The following AOPEP variants were observed in gnomAD, a reference collection of about 807,000 sequenced individuals.
The protein encoded by AOPEP is aminopeptidase O (putative), also known as aminopeptidase O.
Under a neutral mutation model 98.1 loss-of-function variants are expected in AOPEP, and 77 were observed. That is an observed-to-expected ratio of 0.78 (90% CI 0.65 to 0.95). AOPEP has a LOEUF of 0.95. Among genes scored for constraint, AOPEP ranks in the 40% least tolerant of loss-of-function variants. The pLI is 0.00. For synonymous variants in AOPEP, 346 were observed against 365.3 expected, an observed-to-expected ratio of 0.95 and a Z score of 0.60; for missense variants, 1,024 against 1,024.7, an observed-to-expected ratio of 1.00 and a Z score of 0.01.
At chr9:95,035,136 C>G (rs2064682364) in intron 13 of AOPEP, among the ~76,000 whole-genome samples, 2 of 151,472 alleles carry the variant, frequency 1.3e-5, no homozygotes, top group East Asian at 1.9e-4. Context: ...CACCCCATGA[C>G]AGGCCCCCGT....
At chr9:94,899,113 T>C (rs115497079) in intron 5 of AOPEP, among the ~76,000 whole-genome samples, 2,619 of 151,252 alleles carry the variant, frequency 0.017, 82 homozygotes, top group African/African-American at 0.06. Flanking sequence ...ACTGGTTGCC[T>C]TGGAGGAGAA....
intron 5 of AOPEP, among the ~76,000 whole-genome samples, chr9:94,854,780 A>G (rs988559640): frequency 2.8e-4 from 42 of 152,240 alleles, no homozygotes; most frequent in African/African-American, 9.6e-4. Context: ...TTACCATAAT[A>G]AACATGAAAT....
rs2060111418 is a variant in AOPEP at position 94,980,374 on chromosome 9, G to A, written c.1977+947G>A. Among the ~76,000 whole-genome samples, 1 of 152,240 alleles carries A rather than the reference G, an allele frequency of 6.6e-6. No individual in the cohort carries two copies. Among genetic ancestry groups the A allele is most frequent in the Non-Finnish European group, 1.5e-5 (1 of 68,048 alleles). ...TTGGCATCTGGGGGCGGTCCCGTGTGGTGAGGCAGGCCCTGTAGCCTGCTG... is the reference window on the plus strand; with the variant it reads ...TTGGCATCTGGGGGCGGTCCCGTGTAGTGAGGCAGGCCCTGTAGCCTGCTG... On this transcript the variant is annotated intron_variant, in intron 11 of 16. Coordinates refer to ENST00000375315, the MANE Select transcript of AOPEP (RefSeq NM_001193329.3). This position sits in a 1 kb window ranked among gnomAD's most constrained non-coding sequence, Gnocchi z 4.3.
chr9:94,975,904 C>T (rs1265894007), intron 10 of AOPEP, among the ~76,000 whole-genome samples: 2 of 152,222 alleles, frequency 1.3e-5, no homozygotes, highest in Non-Finnish European at 2.9e-5. Context: ...CTGAGCTGAA[C>T]GGAGTCTGCA....
At chr9:94,770,877 G>T (rs1325654067) in intron 2 of AOPEP, among the ~76,000 whole-genome samples, 1 of 152,140 alleles carries the variant, frequency 6.6e-6, no homozygotes, top group Non-Finnish European at 1.5e-5. Context: ...ACTACACAAC[G>T]ATGTAAATAT....
intron 3 of AOPEP, among the ~76,000 whole-genome samples, chr9:94,776,447 G>A (rs750016298): frequency 2.6e-5 from 4 of 152,118 alleles, no homozygotes; most frequent in African/African-American, 7.2e-5. Context: ...GACTACAGGC[G>A]CACGCCGCCA....
chr9:94,860,242 G>A (rs1185041268), intron 5 of AOPEP, among the ~76,000 whole-genome samples: 1 of 152,148 alleles, frequency 6.6e-6, no homozygotes, highest in Non-Finnish European at 1.5e-5. Flanking sequence ...TGGAGGACCC[G>A]AAAGAAGTGT....
intron 5 of AOPEP, among the ~76,000 whole-genome samples, chr9:94,874,971 G>A (rs561847065): frequency 5.1e-4 from 78 of 152,116 alleles, no homozygotes; most frequent in Admixed American, 9.2e-4. Flanking sequence ...TGTGTAAGGG[G>A]CTCAAGGATG....
intron 13 of AOPEP, among the ~76,000 whole-genome samples, chr9:95,020,867 C>T (rs1213017661): frequency 7.0e-6 from 1 of 142,706 alleles, no homozygotes; most frequent in Non-Finnish European, 1.5e-5. Context: ...GCAGTTAAGC[C>T]GAGATTGCGC....
rs151287642 is a variant in AOPEP at position 94,996,943 on chromosome 9, C to T, written c.1978-8215C>T. Among the ~76,000 whole-genome samples, 5 of 152,260 alleles carry T rather than the reference C, an allele frequency of 3.3e-5. No individual in the cohort carries two copies. In the East Asian group the frequency reaches 9.6e-4, roughly 29 times the overall value. On this transcript the variant is annotated intron_variant, in intron 11 of 16. Coordinates refer to ENST00000375315, the MANE Select transcript of AOPEP (RefSeq NM_001193329.3). ...GTGCACACTGTCCCCTAATTCTAGC[C>T]AGCAATCTTCCAAATGCAGATGTTC...
intron 5 of AOPEP, chr9:94,824,485 C>T (rs1225129052): frequency 6.6e-6 from 1 of 152,220 alleles, no homozygotes; most frequent in Non-Finnish European, 1.5e-5. Context: ...GAGAAAATTT[C>T]TGTTCTTCTG....
At chr9:95,083,525 C>A (rs575903935) in intron 16 of AOPEP, among the ~76,000 whole-genome samples, 1 of 150,948 alleles carries the variant, frequency 6.6e-6, no homozygotes, top group East Asian at 2.0e-4. Context: ...ACCCACAGCA[C>A]ACACACCACG....
intron 5 of AOPEP, among the ~76,000 whole-genome samples, chr9:94,860,221 A>C (rs188918985): frequency 6.6e-6 from 1 of 152,262 alleles, no homozygotes; most frequent in African/African-American, 2.4e-5. Flanking sequence ...ATTGGAAGCA[A>C]CTTGGAACTT....
chr9:95,022,116 A>C (rs2063498718), intron 13 of AOPEP: 1 of 152,192 alleles, frequency 6.6e-6, no homozygotes, highest in South Asian at 2.1e-4. Flanking sequence ...TCTTTGTATC[A>C]AACCTGTTTT....
At chr9:95,094,094 CCT>C in the AOPEP span, among the ~76,000 whole-genome samples, 37 of 152,232 alleles carry the variant, frequency 2.4e-4, no homozygotes, top group Middle Eastern at 3.4e-3. Flanking sequence ...CCCTTTCCTC[CCT>C]CTCTGTTTCC....
At chr9:94,892,876 A>C (rs72748564) in intron 5 of AOPEP, among the ~76,000 whole-genome samples, 4,388 of 152,086 alleles carry the variant, frequency 0.029, 170 homozygotes, top group African/African-American at 0.084. Flanking sequence ...ACGTCACCTG[A>C]CTAATTGTTT....
At chr9:94,953,651 A>G (rs1317391795) in intron 7 of AOPEP, among the ~76,000 whole-genome samples, 1 of 152,166 alleles carries the variant, frequency 6.6e-6, no homozygotes, top group Non-Finnish European at 1.5e-5. Flanking sequence ...TAAGGCTGCT[A>G]GTCTAAACTA....
At chr9:95,119,951 ATCC>A in the AOPEP span, among the ~76,000 whole-genome samples, 1 of 152,040 alleles carries the variant, frequency 6.6e-6, no homozygotes, top group African/African-American at 2.4e-5. Flanking sequence ...GGCTCAAGAG[ATCC>A]TCCTGCCTTG....
At chr9:94,851,411 A>G (rs944069583) in intron 5 of AOPEP, among the ~76,000 whole-genome samples, 5 of 152,168 alleles carry the variant, frequency 3.3e-5, no homozygotes, top group Non-Finnish European at 7.3e-5. Flanking sequence ...TGTAATAGAA[A>G]TGTTATGTGT....
Sources: allele counts gnomAD v4.1 joint callset (sites outside exome capture counted in the v4.1 genomes callset), GRCh38; gene constraint gnomAD v4.1.1; non-coding constraint Gnocchi (gnomAD v3.1); transcripts MANE v1.5; gene names NCBI Gene and HGNC (gene_info 2026-07-23, HGNC 2026-07-21).